Variants in PCSK5 observed in about 807,000 individuals in gnomAD.
The protein encoded by PCSK5 is proprotein convertase subtilisin/kexin type 5, also known as prohormone convertase 5.
A neutral mutation model predicts 233.2 loss-of-function variants in PCSK5; 129 were observed. That is an observed-to-expected ratio of 0.55 (90% CI 0.48 to 0.64). The LOEUF (loss-of-function observed/expected upper bound fraction) is 0.64, where lower values mean the gene tolerates loss of function less well. Ranked by LOEUF, PCSK5 falls within the 30% of genes least tolerant of loss-of-function variation. The probability of loss-of-function intolerance (pLI) is 0.00; values close to 1 mark genes in which losing one functional copy is unlikely to be tolerated. For synonymous variants in PCSK5, 825 were observed against 879.2 expected (o/e 0.94, Z 1.09); for missense variants, 2,076 against 2,430.1 (o/e 0.85, Z 3.06).
intron 35 of PCSK5, among the ~76,000 whole-genome samples, chr9:76,344,247 T>A (rs958198245): frequency 2.6e-5 from 4 of 152,034 alleles, no homozygotes; most frequent in Non-Finnish European, 1.5e-5. Context: ...TGAGGCTGAA[T>A]CCTATTAGGT....
chr9:76,062,043 T>C (rs1174810198), intron 5 of PCSK5, among the ~76,000 whole-genome samples: 1 of 152,168 alleles, frequency 6.6e-6, no homozygotes, highest in African/African-American at 2.4e-5. Flanking sequence ...GGCCAGAAGT[T>C]GGAGATTAAC....
At chr9:76,134,017 T>G in intron 9 of PCSK5, 92 bp from the exon 10 acceptor site, 1 of 845,360 alleles carries the variant, frequency 1.2e-6, no homozygotes, top group Non-Finnish European at 1.9e-6. Flanking sequence ...ACTTTGCCAT[T>G]TTGATTTTGC....
chr9:75,951,784 G>C, intron 2 of PCSK5, among the ~76,000 whole-genome samples: 1 of 151,816 alleles, frequency 6.6e-6, no homozygotes. Flanking sequence ...CAAAAATACA[G>C]TGTAACAACT....
rs544415969 is a variant in PCSK5 at position 76,265,684 on chromosome 9, C to T, written c.3142+25000C>T. On this transcript the variant is annotated intron_variant, in intron 24 of 37. Coordinates refer to ENST00000674117, the MANE Select transcript of PCSK5 (RefSeq NM_001372043.1). ...GGTTACATGACAGAACATACTTATTCTTAGGAAATACACACTGAAATGTTT... is the reference window on the plus strand; with the variant it reads ...GGTTACATGACAGAACATACTTATTTTTAGGAAATACACACTGAAATGTTT... Among the ~76,000 whole-genome samples the T allele has an allele frequency of 3.3e-5, 5 of 152,156 alleles. No homozygotes were observed. The East Asian group carries it at 9.6e-4, about 29-fold the overall frequency.
chr9:76,026,939 G>T, intron 4 of PCSK5, 22 bp from the exon 5 acceptor site: 1 of 1,566,716 alleles, frequency 6.4e-7, no homozygotes, highest in Non-Finnish European at 8.8e-7. Context: ...CCTTTCCCTT[G>T]CTCTCTCCTC....
chr9:75,967,335 G>A (rs1825633130), intron 2 of PCSK5, among the ~76,000 whole-genome samples: 1 of 152,176 alleles, frequency 6.6e-6, no homozygotes, highest in African/African-American at 2.4e-5. Flanking sequence ...TTGTAAGTGA[G>A]AACATAGCGG....
At chr9:76,172,739 G>A (rs540001954) in intron 13 of PCSK5, among the ~76,000 whole-genome samples, 1 of 152,250 alleles carries the variant, frequency 6.6e-6, no homozygotes, top group African/African-American at 2.4e-5. Flanking sequence ...CTACCTAAAG[G>A]CAATCAGATA....
intron 20 of PCSK5, among the ~76,000 whole-genome samples, chr9:76,202,389 A>C (rs920652394): frequency 2.6e-5 from 4 of 152,158 alleles, no homozygotes; most frequent in Non-Finnish European, 5.9e-5. Flanking sequence ...TCCATTTTCC[A>C]CAACAGCCAG....
At chr9:76,289,336 A>G (rs1337927734) in intron 24 of PCSK5, among the ~76,000 whole-genome samples, 1 of 152,022 alleles carries the variant, frequency 6.6e-6, no homozygotes, top group African/African-American at 2.4e-5. Context: ...TCTCTCCCCA[A>G]AATATGCTCT....
intron 8 of PCSK5, among the ~76,000 whole-genome samples, chr9:76,103,942 T>C (rs925891904): frequency 5.3e-5 from 8 of 152,192 alleles, no homozygotes; most frequent in Admixed American, 6.6e-5. Context: ...GAATCTAAAG[T>C]GAAAGTGCTT....
intron 10 of PCSK5, among the ~76,000 whole-genome samples, chr9:76,153,956 G>A (rs945455854): frequency 1.1e-4 from 16 of 152,256 alleles, no homozygotes; most frequent in South Asian, 2.1e-4. Context: ...CACCAAAAAC[G>A]TCAATGTTTC....
At chr9:76,248,358 T>A (rs911968839) in intron 24 of PCSK5, among the ~76,000 whole-genome samples, 1 of 152,192 alleles carries the variant, frequency 6.6e-6, no homozygotes, top group African/African-American at 2.4e-5. Context: ...CATTTTTTTT[T>A]AAATGGGTGA....
intron 4 of PCSK5, among the ~76,000 whole-genome samples, chr9:76,026,170 A>G (rs1260908258): frequency 6.6e-6 from 1 of 152,218 alleles, no homozygotes; most frequent in Non-Finnish European, 1.5e-5. Flanking sequence ...AGTGACATAA[A>G]TTTGATCAAT....
chr9:76,157,276 C>G, intron 11 of PCSK5, 114 bp downstream of exon 11: 1 of 700,178 alleles, frequency 1.4e-6, no homozygotes, highest in South Asian at 1.7e-5. Flanking sequence ...TGTAGTTTCT[C>G]TCTAATGTGA....
At chr9:75,970,105 T>G (rs1481101328) in intron 2 of PCSK5, among the ~76,000 whole-genome samples, 2 of 152,072 alleles carry the variant, frequency 1.3e-5, no homozygotes, top group African/African-American at 2.4e-5. Context: ...ACTCCTGACC[T>G]CAGTTGATCC....
At position 76,360,909 on chromosome 9, in the gene PCSK5, T is replaced by C. The variant is rs1830420773; in HGVS notation, c.*1987T>C. The C allele has an allele frequency of 6.6e-6, 1 of 152,254 alleles. No homozygotes were observed. Among genetic ancestry groups the C allele is most frequent in the South Asian group, 2.1e-4 (1 of 4,830 alleles). The allele number at this position is 152,254 out of a possible 1,614,324, so 9.4% of individuals were successfully genotyped here. ...TAAAATTTAAAAATGCAAAAGCTAT[T>C]CTCAGTTCACAGCATTACAAGAACA... is the stretch of plus-strand genomic sequence containing the variant. On this transcript the variant is annotated 3_prime_UTR_variant, in exon 38 of 38. Transcript: ENST00000674117.
At chr9:75,920,736 G>A (rs1485722862) in intron 1 of PCSK5, among the ~76,000 whole-genome samples, 2 of 152,108 alleles carry the variant, frequency 1.3e-5, no homozygotes, top group African/African-American at 4.8e-5. Context: ...AACCTGGAAA[G>A]CGGAGGTTGC....
chr9:76,286,725 G>C (rs1828083255), intron 24 of PCSK5: 1 of 164,206 alleles, frequency 6.1e-6, no homozygotes, highest in African/African-American at 2.4e-5. Context: ...TTGGAGGTAG[G>C]TTGAAGTCAT....
intron 25 of PCSK5, among the ~76,000 whole-genome samples, chr9:76,293,949 C>G (rs548465480): frequency 3.9e-5 from 6 of 152,318 alleles, no homozygotes; most frequent in African/African-American, 1.4e-4. Context: ...GTAATCCCAA[C>G]ACTTTGGGAG....
Sources: allele counts gnomAD v4.1 joint callset (sites outside exome capture counted in the v4.1 genomes callset), GRCh38; gene constraint gnomAD v4.1.1; transcripts MANE v1.5; gene names NCBI Gene and HGNC (gene_info 2026-07-23, HGNC 2026-07-21).